RTL4: variants seen among roughly 807,000 people sequenced by gnomAD.
RTL4 encodes the protein retrotransposon Gag like 4, also known as retrotransposon Gag-like protein 4.
Under a neutral mutation model 5.3 loss-of-function variants are expected in RTL4, and 4 were observed. The observed-to-expected ratio is 0.75, with a 90% CI of 0.37 to 1.72. The LOEUF (loss-of-function observed/expected upper bound fraction) is 1.72. Ranked by LOEUF, RTL4 falls within the 40% of genes most tolerant of loss-of-function variation. The pLI is 0.04. For synonymous variants in RTL4, 98 were observed against 87.3 expected, an observed-to-expected ratio of 1.12 and a Z score of -0.68; for missense variants, 260 against 227.1, an observed-to-expected ratio of 1.14 and a Z score of -0.93.
chrX:112,438,411 C>T, the RTL4 span, among the ~76,000 whole-genome samples: 3 of 112,348 alleles, frequency 2.7e-5, 1 homozygote, highest in African/African-American at 9.7e-5. Context: ...TGGCTTTCTT[C>T]CCACCACTGC....
the RTL4 span, among the ~76,000 whole-genome samples, chrX:112,297,276 A>G: frequency 3.6e-5 from 4 of 111,402 alleles, no homozygotes; most frequent in Non-Finnish European, 7.5e-5. Context: ...TCACACTGCT[A>G]TGAAGAAATA....
chrX:112,175,217 A>T, the RTL4 span, among the ~76,000 whole-genome samples: 1 of 100,418 alleles, frequency 1.0e-5, no homozygotes, highest in Non-Finnish European at 2.0e-5. Context: ...TTTTAGGTCT[A>T]ACGTTTAAGT....
the RTL4 span, among the ~76,000 whole-genome samples, chrX:112,109,238 C>T: frequency 1.1e-4 from 12 of 111,650 alleles, no homozygotes; most frequent in East Asian, 3.4e-3. Context: ...CTATTGTGTC[C>T]GTAGTTGGTT....
the RTL4 span, among the ~76,000 whole-genome samples, chrX:112,189,495 A>G: frequency 1.8e-4 from 20 of 111,584 alleles, no homozygotes; most frequent in Admixed American, 4.8e-4. Flanking sequence ...TGAGCAGATG[A>G]ACTATATTAA....
the RTL4 span, among the ~76,000 whole-genome samples, chrX:112,297,540 C>T: frequency 9.0e-6 from 1 of 111,093 alleles, no homozygotes; most frequent in African/African-American, 3.3e-5. Context: ...TGGTGCTGAA[C>T]CACGAAAAAC....
At chrX:112,170,045 G>A in the RTL4 span, among the ~76,000 whole-genome samples, 4 of 112,049 alleles carry the variant, frequency 3.6e-5, no homozygotes, top group African/African-American at 1.3e-4. Flanking sequence ...TTTTTGTCAG[G>A]TTTGTTGAAG....
At chrX:112,342,302 A>G in the RTL4 span, among the ~76,000 whole-genome samples, 2 of 111,671 alleles carry the variant, frequency 1.8e-5, no homozygotes, top group East Asian at 2.8e-4. Context: ...GCCTTTAAAC[A>G]ATAAGATGCC....
chrX:112,122,154 A>G, the RTL4 span, among the ~76,000 whole-genome samples: 5 of 111,877 alleles, frequency 4.5e-5, no homozygotes, highest in East Asian at 1.4e-3. Context: ...AGCACTGTTC[A>G]TAATAGCCAA....
At chrX:112,277,086 A>G in the RTL4 span, among the ~76,000 whole-genome samples, 6,003 of 111,788 alleles carry the variant, frequency 0.054, 384 homozygotes, top group African/African-American at 0.19. Context: ...TTAAACACAC[A>G]GACCTAATTT....
At chrX:112,357,299 T>G in the RTL4 span, among the ~76,000 whole-genome samples, 11 of 110,783 alleles carry the variant, frequency 9.9e-5, no homozygotes, top group Non-Finnish European at 1.9e-4. Context: ...GAATTTTCTT[T>G]GATTCAACTG....
In RTL4 at chrX:112,454,714, A is replaced by G. The variant is rs201360426; in HGVS notation, c.-15A>G. The G allele has an allele frequency of 2.2e-5, 26 of 1,164,428 alleles. No individual in the cohort carries two copies. The South Asian group carries it at 4.9e-4, about 22-fold the overall frequency. On this transcript the variant is annotated 5_prime_UTR_variant, in exon 1 of 1. Coordinates refer to ENST00000340433, the Ensembl canonical transcript of RTL4. ...ACTCAATTCTACTCAATCCCACCTG[A>G]TTCCAGGAGACATAATGGAGAAGTG...
chrX:112,176,506 G>A, the RTL4 span, among the ~76,000 whole-genome samples: 3 of 111,262 alleles, frequency 2.7e-5, no homozygotes, highest in Admixed American at 1.9e-4. Context: ...AATCTCCAAG[G>A]AAGCCTCACT....
the RTL4 span, among the ~76,000 whole-genome samples, chrX:112,196,283 C>T: frequency 9.0e-6 from 1 of 111,269 alleles, no homozygotes; most frequent in South Asian, 3.8e-4. Flanking sequence ...GTAATTTTCT[C>T]GATTCATCTA....
rs1200172626 is a variant in RTL4 at position 112,455,781 on chromosome X, T to G, written c.*120T>G. Reference sequence around the variant, plus strand: ...CACCACTTTATAGGCAGTTATGAACTGACACGCTTTGGGGGAATTTAAACA... The same window carrying G: ...CACCACTTTATAGGCAGTTATGAACGGACACGCTTTGGGGGAATTTAAACA... On this transcript the variant is annotated 3_prime_UTR_variant, in exon 1 of 1. Transcript: ENST00000340433. 6 of 664,887 alleles carry G rather than the reference T, an allele frequency of 9.0e-6. No individual in the cohort carries two copies. The African/African-American group carries it at 1.3e-4, about 15-fold the overall frequency. 54.8% of individuals were successfully genotyped at this position (664,887 alleles called of 1,213,427 possible).
chrX:112,141,833 TTAA>T, the RTL4 span, among the ~76,000 whole-genome samples: 1 of 112,303 alleles, frequency 8.9e-6, no homozygotes. Context: ...TTGTTTAGAC[TTAA>T]TAAATTCCAT....
chrX:112,215,068 G>A, the RTL4 span, among the ~76,000 whole-genome samples: 60 of 111,610 alleles, frequency 5.4e-4, no homozygotes, highest in African/African-American at 1.9e-3. Context: ...GATTACAGGC[G>A]TCAGCCACTG....
the RTL4 span, among the ~76,000 whole-genome samples, chrX:112,099,445 T>C: frequency 1.8e-5 from 2 of 111,112 alleles, no homozygotes; most frequent in Non-Finnish European, 3.8e-5. Context: ...GAAGGATGAA[T>C]CAAAGTGTGC....
chrX:112,271,300 T>A, the RTL4 span, among the ~76,000 whole-genome samples: 206 of 113,312 alleles, frequency 1.8e-3, 1 homozygote, highest in African/African-American at 6.2e-3. Flanking sequence ...TCGAGATCGA[T>A]CTTTTGAAAA....
chrX:112,165,073 G>A, the RTL4 span, among the ~76,000 whole-genome samples: 1 of 111,068 alleles, frequency 9.0e-6, no homozygotes, highest in African/African-American at 3.3e-5. Flanking sequence ...CCTCCTCTCC[G>A]CCAATCAAAT....
Sources: allele counts gnomAD v4.1 joint callset (sites outside exome capture counted in the v4.1 genomes callset), GRCh38; gene constraint gnomAD v4.1.1; transcripts MANE v1.5; gene names NCBI Gene and HGNC (gene_info 2026-07-23, HGNC 2026-07-21).